Variants in SHCBP1L observed in about 807,000 individuals in gnomAD.
The protein encoded by SHCBP1L is SHC binding and spindle associated 1 like.
Under a neutral mutation model 62.5 loss-of-function variants are expected in SHCBP1L, and 67 were observed. The ratio of observed to expected loss-of-function variants is 1.07; its 90% CI spans 0.88 to 1.31. SHCBP1L has a LOEUF of 1.31. SHCBP1L is among the 40% of genes most tolerant of loss of function. The probability of loss-of-function intolerance (pLI) is 0.00; values close to 1 mark genes in which losing one functional copy is unlikely to be tolerated. For missense variants in SHCBP1L, 823 were observed against 809.8 expected (o/e 1.02, Z -0.20); for synonymous variants, 284 against 289.4 (o/e 0.98, Z 0.19).
At chr1:182,915,277 AAG>A (rs1427895382) in intron 6 of SHCBP1L, among the ~76,000 whole-genome samples, 1 of 151,746 alleles carries the variant, frequency 6.6e-6, no homozygotes, top group African/African-American at 2.4e-5. Flanking sequence ...GTAATTGAAA[AAG>A]AGCTGGGGTG....
chr1:182,908,135 T>A (rs1650073276), intron 6 of SHCBP1L, among the ~76,000 whole-genome samples: 1 of 152,200 alleles, frequency 6.6e-6, no homozygotes, highest in South Asian at 2.1e-4. Context: ...TCAAAGCCTA[T>A]TTTTTTAATG....
intron 5 of SHCBP1L, among the ~76,000 whole-genome samples, chr1:182,930,551 GTATATATATATATATATATA>G (rs10536791): frequency 0.023 from 1,130 of 49,470 alleles, 23 homozygotes; most frequent in Non-Finnish European, 0.034. Context: ...TAGTGTGTGT[GTATATATATATATATATATA>G]TATATATATA....
At chr1:182,916,020 A>G (rs57358344) in intron 6 of SHCBP1L, among the ~76,000 whole-genome samples, 5,029 of 152,012 alleles carry the variant, frequency 0.033, 263 homozygotes, top group African/African-American at 0.12. Flanking sequence ...GTTAGCCAGG[A>G]TGGTCTCTAT....
At chr1:182,934,706 C>A (rs1232550270) in intron 5 of SHCBP1L, among the ~76,000 whole-genome samples, 1 of 152,088 alleles carries the variant, frequency 6.6e-6, no homozygotes, top group Non-Finnish European at 1.5e-5. Context: ...TGACTTTTTT[C>A]TCTCACATAA....
intron 2 of SHCBP1L, among the ~76,000 whole-genome samples, chr1:182,950,935 CT>C (rs1387172136): frequency 1.3e-5 from 2 of 150,676 alleles, no homozygotes; most frequent in Non-Finnish European, 1.5e-5. Flanking sequence ...TGATCCATTT[CT>C]TTTTTTTTCC....
intron 9 of SHCBP1L, among the ~76,000 whole-genome samples, chr1:182,902,421 A>G (rs1649874663): frequency 6.6e-6 from 1 of 152,158 alleles, no homozygotes. Flanking sequence ...GGCTACTAGT[A>G]ATATATAATA....
chr1:182,920,807 T>C lies in SHCBP1L; in HGVS notation c.1182+8840A>G, dbSNP rs187884217. On this transcript the variant is annotated intron_variant, in intron 6 of 9. Transcript: ENST00000367547. ...CAGGCTGAGGAAAGAATCTCAGAGC[T>C]TGAAGACTAGTCCAACAAAAATAAA... Among the ~76,000 whole-genome samples, 24 of 152,176 alleles carry C rather than the reference T, an allele frequency of 1.6e-4. No homozygotes were observed. In the East Asian group the frequency reaches 4.4e-3, roughly 28 times the overall value.
intron 2 of SHCBP1L, among the ~76,000 whole-genome samples, chr1:182,941,608 A>C (rs1651368084): frequency 6.6e-6 from 1 of 152,208 alleles, no homozygotes; most frequent in East Asian, 1.9e-4. Flanking sequence ...TATTAGGAAA[A>C]CAGGACTACC....
At position 182,947,065 on chromosome 1, in the gene SHCBP1L, C is replaced by T. The variant is rs565891893; in HGVS notation, c.555+4253G>A. Among the ~76,000 whole-genome samples, 14 of 151,930 alleles carry T rather than the reference C, an allele frequency of 9.2e-5. No homozygotes were observed. The South Asian group carries it at 2.1e-3, about 23-fold the overall frequency. ...CAGCCTCGGCAACATGGTGAAACCT[C>T]GTCTCTACTAAAAATACAAAAATTA... On this transcript the variant is annotated intron_variant, in intron 2 of 9. Transcript: ENST00000367547.
intron 5 of SHCBP1L, 135 bp from the exon 6 acceptor site, chr1:182,929,887 G>A: frequency 1.7e-6 from 1 of 591,342 alleles, no homozygotes; most frequent in Non-Finnish European, 2.9e-6. Flanking sequence ...TGAGAGCAAT[G>A]AGCAACTTGA....
At chr1:182,928,640 A>G (rs1650859897) in intron 6 of SHCBP1L, among the ~76,000 whole-genome samples, 1 of 152,176 alleles carries the variant, frequency 6.6e-6, no homozygotes, top group South Asian at 2.1e-4. Flanking sequence ...GTGATGAGAA[A>G]TATGAACAAG....
At chr1:182,939,699 G>C in intron 3 of SHCBP1L, 146 bp from the exon 4 acceptor site, 1 of 604,108 alleles carries the variant, frequency 1.7e-6, no homozygotes. Flanking sequence ...TGAACTAAAA[G>C]GTAAAACTTC....
chr1:182,929,482 C>T (rs1432313723), intron 6 of SHCBP1L, among the ~76,000 whole-genome samples, 165 bp downstream of exon 6: 1 of 152,172 alleles, frequency 6.6e-6, no homozygotes, highest in Non-Finnish European at 1.5e-5. Flanking sequence ...AAATAGTTGT[C>T]ACCATTTATT....
Position 182,924,932 on chromosome 1 carries a change from AAGG to A in SHCBP1L, c.1182+4712_1182+4714del, listed in dbSNP as rs1409881028. Among the ~76,000 whole-genome samples, 182 of 110,698 alleles carry A rather than the reference AAGG, an allele frequency of 1.6e-3. 1 individual carries two copies. Among genetic ancestry groups the A allele is most frequent in the Admixed American group, 3.5e-3 (38 of 10,850 alleles). 72.6% of individuals were successfully genotyped at this position (110,698 alleles called of 152,430 possible). A position where few individuals can be genotyped will look rare whatever the true frequency, so the allele number is the denominator to read the frequency against. The stretch of plus-strand genomic sequence containing the variant: ...AAGAAAGGAAAGGAAGGAAGGAAGG[AAGG>A]AAGAAAGAAAGAAAGAAAGAAAGAA... On this transcript the variant is annotated intron_variant, in intron 6 of 9. Coordinates refer to ENST00000367547, the MANE Select transcript of SHCBP1L (RefSeq NM_030933.4).
chr1:182,946,182 C>G (rs1268373450), intron 2 of SHCBP1L, among the ~76,000 whole-genome samples: 1 of 151,936 alleles, frequency 6.6e-6, no homozygotes, highest in Non-Finnish European at 1.5e-5. Flanking sequence ...TCCCAGTATT[C>G]CCAAATTTCA....
chr1:182,931,652 A>G (rs1650998376), intron 5 of SHCBP1L, among the ~76,000 whole-genome samples: 1 of 152,182 alleles, frequency 6.6e-6, no homozygotes, highest in Non-Finnish European at 1.5e-5. Flanking sequence ...TTGATCAAAA[A>G]GAAGAGAGTT....
chr1:182,912,723 A>C (rs1029098892), intron 6 of SHCBP1L, among the ~76,000 whole-genome samples: 1 of 151,702 alleles, frequency 6.6e-6, no homozygotes, highest in African/African-American at 2.4e-5. Flanking sequence ...GGTTTTTGCC[A>C]TGTTGGCCAG....
At chr1:182,952,637 A>G in intron 1 of SHCBP1L, 92 bp downstream of exon 1, 2 of 1,420,042 alleles carry the variant, frequency 1.4e-6, no homozygotes, top group Non-Finnish European at 1.9e-6. Flanking sequence ...TGCCCTGTGG[A>G]TCCCCATCCG....
intron 6 of SHCBP1L, among the ~76,000 whole-genome samples, chr1:182,921,045 C>T (rs962039423): frequency 1.3e-5 from 2 of 152,016 alleles, no homozygotes; most frequent in Non-Finnish European, 1.5e-5. Flanking sequence ...AGATACTATA[C>T]AAAATGACCA....
Sources: allele counts gnomAD v4.1 joint callset (sites outside exome capture counted in the v4.1 genomes callset), GRCh38; gene constraint gnomAD v4.1.1; transcripts MANE v1.5; gene names NCBI Gene and HGNC (gene_info 2026-07-23, HGNC 2026-07-21).